The following SPIRE1 variants were observed in gnomAD, a reference collection of about 807,000 sequenced individuals.
SPIRE1 encodes protein spire homolog 1.
Under a neutral mutation model 94.1 loss-of-function variants are expected in SPIRE1, and 40 were observed. That is an observed-to-expected ratio of 0.43 (90% CI 0.33 to 0.55). The LOEUF (loss-of-function observed/expected upper bound fraction) is 0.55, where lower values mean the gene tolerates loss of function less well. SPIRE1 is among the 20% of genes least tolerant of loss of function. The pLI, the probability that SPIRE1 is intolerant of heterozygous loss-of-function variation, is 0.06. For synonymous variants in SPIRE1, 376 were observed against 371.7 expected (o/e 1.01, Z -0.13); for missense variants, 838 against 975.2 (o/e 0.86, Z 1.87).
At position 12,448,264 on chromosome 18, in the gene SPIRE1, G is replaced by T. The variant is rs1402022568; in HGVS notation, c.*1374C>A. 6.6e-6 allele frequency: 1 copy of T among 152,566 alleles called. No homozygotes were observed. The highest frequency in any genetic ancestry group is 6.5e-5 in the Admixed American group (1 of 15,276). 9.5% of individuals were successfully genotyped at this position (152,566 alleles called of 1,614,324 possible). ...AGAAATGTTACTGTATTTTGATGTG[G>T]TATGAAATGCAGCCGCCATGCCTTT... On this transcript the variant is annotated 3_prime_UTR_variant, in exon 17 of 17. Transcript: ENST00000409402. The surrounding 1 kb of genome is among the most constrained non-coding windows in gnomAD (Gnocchi z 4.4).
At chr18:12,526,056 T>TACACACACAAACACACACACACACAC (rs2034511849) in intron 4 of SPIRE1, among the ~76,000 whole-genome samples, 15 of 122,584 alleles carry the variant, frequency 1.2e-4, no homozygotes, top group African/African-American at 4.9e-4. Context: ...ATACTGAAGA[T>TACACACACAAACACACACACACACAC]ACACACACAC....
At chr18:12,653,966 A>T (rs996399699) in intron 1 of SPIRE1, among the ~76,000 whole-genome samples, 2 of 151,874 alleles carry the variant, frequency 1.3e-5, no homozygotes, top group Non-Finnish European at 2.9e-5. Flanking sequence ...AAAGAAAGAA[A>T]GAAACAGAAA....
intron 2 of SPIRE1, among the ~76,000 whole-genome samples, chr18:12,624,564 T>C (rs2037568282): frequency 6.9e-6 from 1 of 144,070 alleles, no homozygotes; most frequent in Admixed American, 7.0e-5. Context: ...AAAAAAAATC[T>C]ACATACTCTA....
chr18:12,546,752 C>A lies in SPIRE1; in HGVS notation c.525G>T (p.Glu175Asp). The change falls in exon 3 of 17, where the codon GAG becomes GAT. Residue 175 changes from glutamate to aspartate, a missense_variant. Transcript: ENST00000409402. ...CATCTCCCAGGCCTTCTTCTGCAGC[C>A]TCATAGCCCTCATCATTGCTACCGT... ...EADGSNDEGY[E>D]AAEEGLGDED... 1.2e-6 allele frequency: 2 copies of A among 1,614,164 alleles called. No individual in the cohort carries two copies. The highest frequency in any genetic ancestry group is 4.5e-5 in the East Asian group (2 of 44,888).
chr18:12,573,254 C>T (rs1365014136), intron 2 of SPIRE1, among the ~76,000 whole-genome samples: 1 of 151,970 alleles, frequency 6.6e-6, no homozygotes, highest in East Asian at 1.9e-4. Flanking sequence ...CATCATATGC[C>T]ATTAAGGAAC....
intron 3 of SPIRE1, among the ~76,000 whole-genome samples, chr18:12,539,610 C>G (rs994163161): frequency 1.5e-4 from 23 of 150,468 alleles, no homozygotes; most frequent in Admixed American, 1.5e-3. Context: ...CACACACACA[C>G]ACACGTTGGG....
At chr18:12,661,382 A>G (rs2038693146), upstream of SPIRE1, 2 of 983,496 alleles carry the variant, frequency 2.0e-6, no homozygotes, top group African/African-American at 1.7e-5. Context: ...ACTGCTGACC[A>G]CTCAAAGGCT....
In SPIRE1 at chr18:12,497,741, A is replaced by T. The variant is rs181474749; in HGVS notation, c.973-1639T>A. Among the ~76,000 whole-genome samples the T allele has an allele frequency of 3.8e-3, 573 of 152,250 alleles. 2 individuals carry two copies. The highest frequency in any genetic ancestry group is 0.013 in the African/African-American group (547 of 41,554). On this transcript the variant is annotated intron_variant, in intron 6 of 16. Coordinates refer to ENST00000409402, the MANE Select transcript of SPIRE1 (RefSeq NM_001128626.2). ...TTGTGGATTTCATATTATGTAGATT[A>T]AAAAAAACCTTATTTCATAAAACAG...
intron 6 of SPIRE1, among the ~76,000 whole-genome samples, chr18:12,499,773 C>T (rs1423151618): frequency 6.6e-6 from 1 of 152,090 alleles, no homozygotes; most frequent in Non-Finnish European, 1.5e-5. Context: ...ACCTTTTGTG[C>T]ATCAAAGGAC....
At chr18:12,485,917 CA>C in intron 9 of SPIRE1, 41 bp downstream of exon 9, 1 of 1,475,858 alleles carries the variant, frequency 6.8e-7, no homozygotes, top group Admixed American at 2.1e-5. Context: ...ACAGAAACCA[CA>C]AAACCCACGT....
intron 1 of SPIRE1, among the ~76,000 whole-genome samples, chr18:12,655,394 C>T (rs967031818): frequency 6.6e-6 from 1 of 152,158 alleles, no homozygotes; most frequent in African/African-American, 2.4e-5. Context: ...TCCTGAGCCA[C>T]GCAACTATTC....
At chr18:12,617,973 TA>T (rs937975311) in intron 2 of SPIRE1, among the ~76,000 whole-genome samples, 182 of 152,268 alleles carry the variant, frequency 1.2e-3, no homozygotes, top group African/African-American at 4.3e-3. Flanking sequence ...ACAAATGATG[TA>T]AAAAAAATTT....
intron 1 of SPIRE1, among the ~76,000 whole-genome samples, chr18:12,645,101 A>G: frequency 9.8e-6 from 1 of 101,976 alleles, no homozygotes; most frequent in Non-Finnish European, 2.2e-5. Context: ...ACAAAAGAAT[A>G]AAAGAAAAAA....
At chr18:12,497,407 T>G (rs921294642) in intron 6 of SPIRE1, among the ~76,000 whole-genome samples, 6 of 152,334 alleles carry the variant, frequency 3.9e-5, no homozygotes, top group Admixed American at 6.5e-5. Context: ...TTGTCCTGTT[T>G]GTTTCCTGGT....
At chr18:12,654,786 T>C (rs1345590506) in intron 1 of SPIRE1, among the ~76,000 whole-genome samples, 4 of 151,998 alleles carry the variant, frequency 2.6e-5, no homozygotes, top group African/African-American at 9.7e-5. Flanking sequence ...TCCCAGCACT[T>C]TGGGAGGCCG....
chr18:12,513,270 C>A (rs183190967), intron 4 of SPIRE1, among the ~76,000 whole-genome samples: 2 of 152,068 alleles, frequency 1.3e-5, no homozygotes, highest in Non-Finnish European at 2.9e-5. Context: ...ATCTTGGTTG[C>A]TAAAATATAT....
intron 2 of SPIRE1, among the ~76,000 whole-genome samples, chr18:12,626,798 C>A (rs1339219103): frequency 6.6e-6 from 1 of 150,662 alleles, no homozygotes; most frequent in Non-Finnish European, 1.5e-5. Context: ...ATAATAGGAT[C>A]TACTTCATAC....
chr18:12,449,972 A>G, intron 16 of SPIRE1, 76 bp from the exon 17 acceptor site: 2 of 1,448,736 alleles, frequency 1.4e-6, no homozygotes, highest in Non-Finnish European at 1.9e-6. Flanking sequence ...TATGTATAAA[A>G]AAAAGTAAAT....
chr18:12,480,803 A>T (rs2032811615), intron 9 of SPIRE1, among the ~76,000 whole-genome samples: 1 of 152,160 alleles, frequency 6.6e-6, no homozygotes. Flanking sequence ...CAGTATTTCA[A>T]ATGAAGAGTT....
Sources: gnomAD v4.1 joint callset for allele counts (sites outside exome capture counted in the v4.1 genomes callset) on GRCh38, gnomAD v4.1.1 for gene constraint, Gnocchi (gnomAD v3.1) non-coding constraint, MANE v1.5 for transcripts, NCBI Gene and HGNC (gene_info 2026-07-23, HGNC 2026-07-21) for gene names.